Variants in ADGRL3 observed in about 807,000 individuals in gnomAD.
ADGRL3 encodes the protein adhesion G protein-coupled receptor L3, also known as calcium-independent alpha-latrotoxin receptor 3.
ADGRL3 carries 62 observed loss-of-function variants against 153.5 expected under a neutral mutation model. The ratio of observed to expected loss-of-function variants is 0.40; its 90% CI spans 0.33 to 0.50. ADGRL3 has a LOEUF of 0.50. ADGRL3 is among the 20% of genes least tolerant of loss of function. ADGRL3 has a pLI of 0.47. For missense variants in ADGRL3, 1,641 were observed against 1,859.4 expected (o/e 0.88, Z 2.16); for synonymous variants, 710 against 672.5 (o/e 1.06, Z -0.86).
At chr4:61,559,810 A>G (rs1188261875) in intron 4 of ADGRL3, among the ~76,000 whole-genome samples, 1 of 149,028 alleles carries the variant, frequency 6.7e-6, no homozygotes, top group African/African-American at 2.5e-5. Flanking sequence ...AGGCAAAACC[A>G]TAATCATTTT....
At chr4:61,486,011 T>C (rs1404576170) in intron 2 of ADGRL3, among the ~76,000 whole-genome samples, 3 of 152,132 alleles carry the variant, frequency 2.0e-5, no homozygotes, top group Admixed American at 2.0e-4. Flanking sequence ...TGGCACAATC[T>C]TGGCTCACTG....
At position 61,998,194 on chromosome 4, in the gene ADGRL3, G is replaced by A. The variant is rs771764469; in HGVS notation, c.3324G>A (p.Gly1108=). Residue 1108 remains glycine (G), a synonymous_variant, in exon 21 of 27, where the codon GGG becomes GGA. Transcript: ENST00000683033. The part of the protein sequence containing the change: ...LIIMLNVIFL[G]IALYKMFHHT... Reference sequence around the variant, plus strand: ...TCCAGCTTAATGTAATCTTCCTTGGGATTGCTTTATATAAAATGTTTCATC... The same window carrying A: ...TCCAGCTTAATGTAATCTTCCTTGGAATTGCTTTATATAAAATGTTTCATC... The A allele has an allele frequency of 4.4e-6, 7 of 1,577,606 alleles. No homozygotes were observed. The East Asian group carries it at 1.6e-4, about 36-fold the overall frequency.
At chr4:61,372,050 G>A (rs940984255) in intron 1 of ADGRL3, among the ~76,000 whole-genome samples, 26 of 151,986 alleles carry the variant, frequency 1.7e-4, no homozygotes, top group African/African-American at 5.3e-4. Context: ...CATTCTTCAC[G>A]TAGTTCTCGA....
At chr4:61,887,295 A>G (rs112118338) in intron 9 of ADGRL3, among the ~76,000 whole-genome samples, 2,344 of 152,214 alleles carry the variant, frequency 0.015, 53 homozygotes, top group African/African-American at 0.054. Context: ...TATTTCCTTC[A>G]GCTTCTTCTT....
At chr4:61,608,628 A>T (rs1285529744) in intron 5 of ADGRL3, among the ~76,000 whole-genome samples, 1 of 152,154 alleles carries the variant, frequency 6.6e-6, no homozygotes, top group Non-Finnish European at 1.5e-5. Context: ...GTACAAGGAG[A>T]TAATAAGAAT....
At chr4:61,865,021 G>A (rs1245150303) in intron 9 of ADGRL3, among the ~76,000 whole-genome samples, 1 of 152,106 alleles carries the variant, frequency 6.6e-6, no homozygotes, top group Admixed American at 6.5e-5. Flanking sequence ...GCCTGTTAGG[G>A]TAAACTATAG....
At chr4:61,307,169 C>T (rs983338462) in intron 1 of ADGRL3, among the ~76,000 whole-genome samples, 3 of 152,138 alleles carry the variant, frequency 2.0e-5, no homozygotes, top group Non-Finnish European at 2.9e-5. Context: ...AATGAAAAAT[C>T]AGACCACAGT....
chr4:61,997,068 C>G (rs2099124192), intron 20 of ADGRL3, among the ~76,000 whole-genome samples: 1 of 151,926 alleles, frequency 6.6e-6, no homozygotes, highest in South Asian at 2.1e-4. Context: ...ATCTTTGGGA[C>G]AAGATGTATT....
chr4:61,900,141 G>T (rs985083269), intron 11 of ADGRL3, among the ~76,000 whole-genome samples: 1 of 152,048 alleles, frequency 6.6e-6, no homozygotes, highest in Non-Finnish European at 1.5e-5. Flanking sequence ...TCTGTAAAAT[G>T]GAGTAGATCA....
Position 61,344,157 on chromosome 4 carries a change from G to T in ADGRL3, c.-239-38967G>T, listed in dbSNP as rs112067040. Among the ~76,000 whole-genome samples, 838 of 152,306 alleles carry T rather than the reference G, an allele frequency of 5.5e-3. 6 individuals carry two copies. The highest frequency in any genetic ancestry group is 0.019 in the African/African-American group (787 of 41,564). On this transcript the variant is annotated intron_variant, in intron 1 of 26. Coordinates refer to ENST00000683033, the MANE Select transcript of ADGRL3 (RefSeq NM_001387552.1). ...AGAAACAATTGCTATGATTTATTAAGTACGGTGTGGCAAGTAATTCCTTAT... is the reference window on the plus strand; with the variant it reads ...AGAAACAATTGCTATGATTTATTAATTACGGTGTGGCAAGTAATTCCTTAT...
In ADGRL3 at chr4:61,370,661, A is replaced by G. The variant is rs536012842; in HGVS notation, c.-239-12463A>G. On this transcript the variant is annotated intron_variant, in intron 1 of 26. Transcript: ENST00000683033. Reference sequence around the variant, plus strand: ...AGCTTTACTTCCAAGTATGTGGTCAATTTTGGAATAGGTGTGGTATGGTGC... The same window carrying G: ...AGCTTTACTTCCAAGTATGTGGTCAGTTTTGGAATAGGTGTGGTATGGTGC... Among the ~76,000 whole-genome samples the G allele has an allele frequency of 3.3e-3, 503 of 151,942 alleles. 6 individuals carry two copies. The highest frequency in any genetic ancestry group is 0.01 in the African/African-American group (430 of 41,470).
At chr4:61,828,922 CCT>C (rs1425350566) in intron 9 of ADGRL3, among the ~76,000 whole-genome samples, 35 of 152,248 alleles carry the variant, frequency 2.3e-4, no homozygotes, top group African/African-American at 7.9e-4. Flanking sequence ...TTCTTTTTCT[CCT>C]CTTCCCTTAC....
chr4:61,995,661 A>G (rs2151030498), intron 19 of ADGRL3, among the ~76,000 whole-genome samples: 1 of 152,288 alleles, frequency 6.6e-6, no homozygotes, highest in South Asian at 2.1e-4. Context: ...TTGGGGGAGT[A>G]TTAAATGTAG....
chr4:61,266,355 A>T (rs1366254413), intron 1 of ADGRL3, among the ~76,000 whole-genome samples: 1 of 151,824 alleles, frequency 6.6e-6, no homozygotes, highest in East Asian at 1.9e-4. Context: ...CTTTTAGATT[A>T]AATTGTGCTC....
intron 25 of ADGRL3, among the ~76,000 whole-genome samples, chr4:62,052,436 G>A (rs980532420): frequency 9.3e-5 from 14 of 151,044 alleles, no homozygotes; most frequent in Non-Finnish European, 5.9e-5. Context: ...AGTTTTTTTA[G>A]AGTGGATTCT....
Position 61,258,362 on chromosome 4 carries a change from C to A in ADGRL3, c.-240+56597C>A, listed in dbSNP as rs893893538. On this transcript the variant is annotated intron_variant, in intron 1 of 26. Transcript: ENST00000683033. ...ACCAGGATCCCCTGGAATTCATAAGCATGTGGTTTATGTTGTATCATTGCA... is the reference window on the plus strand; with the variant it reads ...ACCAGGATCCCCTGGAATTCATAAGAATGTGGTTTATGTTGTATCATTGCA... Among the ~76,000 whole-genome samples the A allele has an allele frequency of 2.0e-5, 3 of 152,174 alleles. No homozygotes were observed. The East Asian group carries it at 5.8e-4, about 29-fold the overall frequency.
At chr4:61,768,596 A>C (rs57486753) in intron 8 of ADGRL3, among the ~76,000 whole-genome samples, 3,333 of 152,158 alleles carry the variant, frequency 0.022, 85 homozygotes, top group East Asian at 0.14. Flanking sequence ...TTTTCTGGCT[A>C]TTTGGAACTA....
intron 19 of ADGRL3, among the ~76,000 whole-genome samples, chr4:61,984,642 C>CA (rs1354884957): frequency 1.3e-5 from 2 of 151,968 alleles, no homozygotes; most frequent in African/African-American, 4.8e-5. Flanking sequence ...AAGTAAAAAA[C>CA]AAAAACAAAC....
chr4:61,949,335 T>G (rs2098937905), intron 17 of ADGRL3, among the ~76,000 whole-genome samples: 1 of 152,220 alleles, frequency 6.6e-6, no homozygotes, highest in Admixed American at 6.5e-5. Flanking sequence ...TCAAACAAGA[T>G]GCTCAACAAA....
Sources: allele counts gnomAD v4.1 joint callset (sites outside exome capture counted in the v4.1 genomes callset), GRCh38; gene constraint gnomAD v4.1.1; transcripts MANE v1.5; gene names NCBI Gene and HGNC (gene_info 2026-07-23, HGNC 2026-07-21).